RCAN1: variants seen among roughly 807,000 people sequenced by gnomAD.
RCAN1 encodes regulator of calcineurin 1.
Under a neutral mutation model 22.9 loss-of-function variants are expected in RCAN1, and 11 were observed. The observed-to-expected ratio is 0.48, with a 90% confidence interval of 0.30 to 0.79. The LOEUF is 0.79. Ranked by LOEUF, RCAN1 falls within the 30% of genes least tolerant of loss-of-function variation. The pLI is 0.06. For missense variants in RCAN1, 291 were observed against 337.8 expected, an observed-to-expected ratio of 0.86 and a Z score of 1.09; for synonymous variants, 136 against 142.3, an observed-to-expected ratio of 0.96 and a Z score of 0.32.
chr21:34,555,323 T>C (rs1290301036), intron 1 of RCAN1, among the ~76,000 whole-genome samples: 4 of 152,190 alleles, frequency 2.6e-5, no homozygotes, highest in African/African-American at 9.7e-5. Context: ...TTTGGTGATA[T>C]TAAGAAAGTA....
At chr21:34,564,154 A>G (rs961638581) in intron 1 of RCAN1, among the ~76,000 whole-genome samples, 1 of 152,136 alleles carries the variant, frequency 6.6e-6, no homozygotes, top group African/African-American at 2.4e-5. Flanking sequence ...TAAAACCATC[A>G]GATCTCAGGA....
At chr21:34,594,281 C>T (rs180691139) in intron 1 of RCAN1, among the ~76,000 whole-genome samples, 5 of 152,256 alleles carry the variant, frequency 3.3e-5, no homozygotes, top group East Asian at 3.9e-4. Context: ...GGGCCGGGCG[C>T]GGTGGCTCAT....
chr21:34,590,024 C>T (rs181337977), intron 1 of RCAN1, among the ~76,000 whole-genome samples: 19 of 152,356 alleles, frequency 1.2e-4, no homozygotes, highest in African/African-American at 4.6e-4. Context: ...TTCTTCAATA[C>T]CCATTTCCCT....
At chr21:34,541,794 C>T (rs760813844) in intron 1 of RCAN1, among the ~76,000 whole-genome samples, 81 of 152,142 alleles carry the variant, frequency 5.3e-4, no homozygotes, top group East Asian at 3.9e-4. Context: ...ACTAGCCAGG[C>T]GTGGTGGCGG....
chr21:34,517,443 C>T lies in RCAN1; in HGVS notation c.*641G>A, dbSNP rs1482258809. ...GCAAGCAAGTGCTGTTGCAAAGAGT[C>T]GAGAATCCGAGAATCTGGGAAAGGT... On this transcript the variant is annotated 3_prime_UTR_variant, in exon 4 of 4. Transcript: ENST00000313806. The T allele has an allele frequency of 1.3e-5, 2 of 152,320 alleles. No individual in the cohort carries two copies. The highest frequency in any genetic ancestry group is 2.1e-4 in the South Asian group (1 of 4,832). The allele number at this position is 152,320 out of a possible 1,614,324, so 9.4% of individuals were successfully genotyped here.
chr21:34,528,291 G>A (rs1985187099), intron 1 of RCAN1, among the ~76,000 whole-genome samples: 1 of 152,204 alleles, frequency 6.6e-6, no homozygotes, highest in African/African-American at 2.4e-5. Context: ...GAAAAGCAAA[G>A]TCCTTTTGGA....
intron 1 of RCAN1, among the ~76,000 whole-genome samples, chr21:34,548,272 C>G (rs184105014): frequency 2.4e-4 from 36 of 151,280 alleles, no homozygotes; most frequent in Non-Finnish European, 4.1e-4. Context: ...TTTAGCCAAT[C>G]AATGTAATTT....
chr21:34,524,337 TA>T (rs1364877208), intron 1 of RCAN1: 1 of 152,746 alleles, frequency 6.5e-6, no homozygotes, highest in Non-Finnish European at 1.5e-5. Flanking sequence ...TACAGTTTGG[TA>T]ATTTGCTCCC....
At chr21:34,545,753 T>A (rs2409523) in intron 1 of RCAN1, among the ~76,000 whole-genome samples, 36,691 of 152,142 alleles carry the variant, frequency 0.24, 5,159 homozygotes, top group African/African-American at 0.39. Context: ...CCCCCAGTCC[T>A]TGCTGCAACC....
At chr21:34,594,298 A>T (rs1307446154) in intron 1 of RCAN1, among the ~76,000 whole-genome samples, 6 of 152,180 alleles carry the variant, frequency 3.9e-5, no homozygotes, top group Non-Finnish European at 4.4e-5. Context: ...TCATGCCTGT[A>T]ATCCCAGCAC....
At chr21:34,557,407 C>T (rs1986621885) in intron 1 of RCAN1, among the ~76,000 whole-genome samples, 1 of 152,156 alleles carries the variant, frequency 6.6e-6, no homozygotes, top group Non-Finnish European at 1.5e-5. Flanking sequence ...CAGGTGGCAG[C>T]CCACATGTTT....
chr21:34,588,145 C>T (rs777007402), intron 1 of RCAN1, among the ~76,000 whole-genome samples: 11 of 152,180 alleles, frequency 7.2e-5, no homozygotes, highest in African/African-American at 1.4e-4. Context: ...CTCTGGAGAA[C>T]GCTGTAGTCA....
chr21:34,517,657 C>T lies in RCAN1; in HGVS notation c.*427G>A, dbSNP rs1984141126. ...CTGCTGTTTTCACAACCTCTCTGCA[C>T]TAGGCGGCTTCCTGTGGTACCTCTT... On this transcript the variant is annotated 3_prime_UTR_variant, in exon 4 of 4. Transcript: ENST00000313806. 1.2e-5 allele frequency: 2 copies of T among 166,006 alleles called. No individual in the cohort carries two copies. Among genetic ancestry groups the T allele is most frequent in the South Asian group, 3.3e-4 (2 of 6,026 alleles). The allele number at this position is 166,006 out of a possible 1,614,324, so 10.3% of individuals were successfully genotyped here.
chr21:34,542,522 G>T (rs1248135258), intron 1 of RCAN1, among the ~76,000 whole-genome samples: 1 of 141,280 alleles, frequency 7.1e-6, no homozygotes, highest in Non-Finnish European at 1.5e-5. Context: ...ATATAAGTGT[G>T]ACAACTTGGG....
intron 1 of RCAN1, among the ~76,000 whole-genome samples, chr21:34,528,904 C>A (rs551606851): frequency 6.6e-6 from 1 of 150,936 alleles, no homozygotes; most frequent in Non-Finnish European, 1.5e-5. Context: ...TCATCTGAGA[C>A]AACAGTGTGG....
chr21:34,532,963 C>CAATAAACT (rs1185993212), intron 1 of RCAN1, among the ~76,000 whole-genome samples: 1 of 141,612 alleles, frequency 7.1e-6, no homozygotes, highest in Non-Finnish European at 1.5e-5. Context: ...ACAAAATAAA[C>CAATAAACT]TTTTTTTTTT....
At chr21:34,540,512 T>G (rs1167184864) in intron 1 of RCAN1, among the ~76,000 whole-genome samples, 1 of 152,222 alleles carries the variant, frequency 6.6e-6, no homozygotes, top group Non-Finnish European at 1.5e-5. Flanking sequence ...AAATTACCCC[T>G]AGTTCTTAGT....
intron 1 of RCAN1, among the ~76,000 whole-genome samples, chr21:34,526,322 A>G (rs2243659): frequency 0.6 from 90,896 of 152,112 alleles, 27,668 homozygotes; most frequent in East Asian, 0.87. Context: ...AACGCTGGCT[A>G]CAAAAGTAAA....
chr21:34,573,943 T>C (rs1467014665), intron 1 of RCAN1, among the ~76,000 whole-genome samples: 1 of 152,142 alleles, frequency 6.6e-6, no homozygotes, highest in African/African-American at 2.4e-5. Flanking sequence ...ATATAAGACA[T>C]ACAGAGTTCC....
Sources: gnomAD v4.1 joint callset for allele counts (sites outside exome capture counted in the v4.1 genomes callset) on GRCh38, gnomAD v4.1.1 for gene constraint, MANE v1.5 for transcripts, NCBI Gene and HGNC (gene_info 2026-07-23, HGNC 2026-07-21) for gene names.